Variants in ACAA2 observed in about 807,000 individuals in gnomAD.
ACAA2 encodes acetyl-CoA acyltransferase 2.
ACAA2 carries 35 observed loss-of-function variants against 44.8 expected under a neutral mutation model. That is an observed-to-expected ratio of 0.78 (90% confidence interval 0.60 to 1.04). ACAA2 has a LOEUF of 1.04. ACAA2 is among the 50% of genes least tolerant of loss of function. The pLI, the probability that ACAA2 is intolerant of heterozygous loss-of-function variation, is 0.00. For synonymous variants in ACAA2, 142 were observed against 166.5 expected (o/e 0.85, Z 1.13); for missense variants, 468 against 482.6 (o/e 0.97, Z 0.28).
chr18:49,794,483 ATG>A (rs1235440089), intron 4 of ACAA2, 56 bp from the exon 5 acceptor site: 3 of 1,126,016 alleles, frequency 2.7e-6, no homozygotes, highest in South Asian at 2.7e-5. Context: ...TAAAAGTAAT[ATG>A]TTATAATTTC....
At chr18:49,788,861 T>C (rs1465871551) in intron 7 of ACAA2, among the ~76,000 whole-genome samples, 1 of 152,086 alleles carries the variant, frequency 6.6e-6, no homozygotes, top group African/African-American at 2.4e-5. Flanking sequence ...TTAGTATTCT[T>C]GTTAGGAAAA....
rs2023410100 is a variant in ACAA2 at position 49,792,186 on chromosome 18, T to C, written c.719A>G (p.Lys240Arg). The C allele has an allele frequency of 1.2e-6, 2 of 1,614,032 alleles. No homozygotes were observed. The highest frequency in any genetic ancestry group is 8.5e-7 in the Non-Finnish European group (1 of 1,179,938). Residue 240 changes from lysine (K) to arginine (R), a missense_variant, in exon 6 of 10, where the codon AAG becomes AGG. By Grantham distance (26) the Lys-to-Arg change is conservative. Coordinates refer to ENST00000285093, the MANE Select transcript of ACAA2 (RefSeq NM_006111.3). ...EQLQKLPPVF[K>R]KDGTVTAGNA... is the part of the protein sequence containing the mutation. Reference sequence around the variant, plus strand: ...CCCTGCAGTAACAGTTCCATCTTTCTTGAATACTGGAGGAAGTTTCTGTAA... The same window carrying C: ...CCCTGCAGTAACAGTTCCATCTTTCCTGAATACTGGAGGAAGTTTCTGTAA...
At chr18:49,800,110 G>A (rs1320589251) in intron 2 of ACAA2, among the ~76,000 whole-genome samples, 4 of 144,434 alleles carry the variant, frequency 2.8e-5, no homozygotes, top group Admixed American at 2.7e-4. Context: ...CAGGCCAGCC[G>A]CCCCGTCCGG....
chr18:49,782,818 AGCCTG>A lies in ACAA2; in HGVS notation c.*1024_*1028del, dbSNP rs1207362164. The A allele has an allele frequency of 6.6e-6, 1 of 151,816 alleles. No homozygotes were observed. The highest frequency in any genetic ancestry group is 1.5e-5 in the Non-Finnish European group (1 of 68,020). The allele number at this position is 151,816 out of a possible 1,614,324, so 9.4% of individuals were successfully genotyped here. ...AGCTGAGATCGCGCCACTGCACTCC[AGCCTG>A]GAGGACAGAGCGAGACTCTGTCTCA... is the stretch of plus-strand genomic sequence containing the variant. On this transcript the variant is annotated 3_prime_UTR_variant, in exon 10 of 10. Coordinates refer to ENST00000285093, the MANE Select transcript of ACAA2 (RefSeq NM_006111.3).
At chr18:49,792,430 G>C in intron 5 of ACAA2, 103 bp from the exon 6 acceptor site, 1 of 1,073,530 alleles carries the variant, frequency 9.3e-7, no homozygotes, top group Non-Finnish European at 1.3e-6. Context: ...TTTCCTCACA[G>C]TCTACTTTAA....
chr18:49,805,447 T>A (rs2023600098), intron 1 of ACAA2, among the ~76,000 whole-genome samples: 1 of 152,188 alleles, frequency 6.6e-6, no homozygotes, highest in African/African-American at 2.4e-5. Flanking sequence ...ACTAGTCGAG[T>A]GCATTACAAA....
intron 7 of ACAA2, among the ~76,000 whole-genome samples, chr18:49,787,892 ACTGTGGCTACACT>A (rs1330634970): frequency 2.0e-5 from 3 of 152,194 alleles, no homozygotes; most frequent in African/African-American, 7.2e-5. Flanking sequence ...CACAGAAGTT[ACTGTGGCTACACT>A]CTGAATTTTC....
chr18:49,812,018 T>C (rs1385888547), intron 1 of ACAA2, among the ~76,000 whole-genome samples: 1 of 152,214 alleles, frequency 6.6e-6, no homozygotes, highest in Non-Finnish European at 1.5e-5. Context: ...AAAAATATTA[T>C]TTCCTTTTTT....
intron 2 of ACAA2, among the ~76,000 whole-genome samples, chr18:49,801,785 CATATATATATATATATAT>C (rs55864039): frequency 3.1e-4 from 35 of 112,226 alleles, no homozygotes; most frequent in Non-Finnish European, 5.3e-4. Flanking sequence ...AGAAACTGAT[CATATATATATATATATAT>C]ATATATATAT....
chr18:49,807,184 T>C (rs1598802662), intron 1 of ACAA2, among the ~76,000 whole-genome samples: 1 of 151,850 alleles, frequency 6.6e-6, no homozygotes, highest in Non-Finnish European at 1.5e-5. Flanking sequence ...TGTGTCAGGA[T>C]AGGAGTTTGA....
chr18:49,789,810 C>G (rs1338647004), intron 7 of ACAA2, among the ~76,000 whole-genome samples: 1 of 152,008 alleles, frequency 6.6e-6, no homozygotes, highest in African/African-American at 2.4e-5. Flanking sequence ...GTGGAAAAAC[C>G]CTGTCTCTGC....
intron 4 of ACAA2, among the ~76,000 whole-genome samples, chr18:49,794,949 T>G (rs1335671208): frequency 6.6e-6 from 1 of 152,142 alleles, no homozygotes; most frequent in Non-Finnish European, 1.5e-5. Context: ...ACAGAAAGGT[T>G]GTTAATTATT....
chr18:49,787,406 T>A, intron 7 of ACAA2, 45 bp from the exon 8 acceptor site: 1 of 1,262,386 alleles, frequency 7.9e-7, no homozygotes. Flanking sequence ...GAAATAAATG[T>A]CATCTTATAT....
intron 5 of ACAA2, among the ~76,000 whole-genome samples, chr18:49,792,558 C>T (rs2023416263): frequency 6.6e-6 from 1 of 152,110 alleles, no homozygotes. Context: ...GATTCTCCTG[C>T]CTCAGCCTCC....
intron 1 of ACAA2, among the ~76,000 whole-genome samples, chr18:49,803,806 A>G (rs1326126937): frequency 6.6e-6 from 1 of 152,134 alleles, no homozygotes. Flanking sequence ...TTCCTGACAA[A>G]AGGTTCTCTC....
intron 1 of ACAA2, among the ~76,000 whole-genome samples, chr18:49,803,269 T>TAATAATAATAAC (rs1215024891): frequency 6.7e-6 from 1 of 148,584 alleles, no homozygotes; most frequent in East Asian, 1.9e-4. Context: ...ATAATAATAA[T>TAATAATAATAAC]AATAATAATA....
intron 5 of ACAA2, 62 bp downstream of exon 5, chr18:49,794,215 AATG>A: frequency 1.7e-6 from 2 of 1,203,592 alleles, no homozygotes; most frequent in Non-Finnish European, 1.1e-6. Flanking sequence ...CCATAATAGA[AATG>A]ATGAAAATAT....
intron 5 of ACAA2, among the ~76,000 whole-genome samples, 188 bp from the exon 6 acceptor site, chr18:49,792,515 G>A (rs150342704): frequency 0.024 from 3,700 of 152,202 alleles, 64 homozygotes; most frequent in Middle Eastern, 0.045. Flanking sequence ...CACAGTCTCG[G>A]CTCACTGCAA....
rs939558501 is a variant in ACAA2, at chr18:49,782,335, T to G, written c.*1512A>C. On this transcript the variant is annotated 3_prime_UTR_variant, in exon 10 of 10. Coordinates refer to ENST00000285093, the MANE Select transcript of ACAA2 (RefSeq NM_006111.3). ...TCCCAAACCGTGGGTAGGCCGCTTGTCATCTGCCTCTCTATGACAGAAAGG... is the reference window on the plus strand; with the variant it reads ...TCCCAAACCGTGGGTAGGCCGCTTGGCATCTGCCTCTCTATGACAGAAAGG... 4.6e-5 allele frequency: 7 copies of G among 152,144 alleles called. No homozygotes were observed. The highest frequency in any genetic ancestry group is 7.4e-5 in the Non-Finnish European group (5 of 68,024). 9.4% of individuals were successfully genotyped at this position (152,144 alleles called of 1,614,324 possible). A position where few individuals can be genotyped will look rare whatever the true frequency, so the allele number is the denominator to read the frequency against.
Sources: allele counts gnomAD v4.1 joint callset (sites outside exome capture counted in the v4.1 genomes callset), GRCh38; gene constraint gnomAD v4.1.1; transcripts MANE v1.5; gene names NCBI Gene and HGNC (gene_info 2026-07-23, HGNC 2026-07-21).